NAV1: variants seen among roughly 807,000 people sequenced by gnomAD.
The protein encoded by NAV1 is pore membrane and/or filament interacting like protein 3.
Under a neutral mutation model 175.2 loss-of-function variants are expected in NAV1, and 18 were observed. The ratio of observed to expected loss-of-function variants is 0.10; its 90% CI spans 0.07 to 0.15. The LOEUF (loss-of-function observed/expected upper bound fraction) is 0.15, where lower values mean the gene tolerates loss of function less well. NAV1 is among the 10% of genes least tolerant of loss of function. The probability of loss-of-function intolerance (pLI) is 1.00; values close to 1 mark genes in which losing one functional copy is unlikely to be tolerated. For synonymous variants in NAV1, 897 were observed against 978.7 expected (o/e 0.92, Z 1.56); for missense variants, 1,731 against 2,436.6 (o/e 0.71, Z 6.10).
intron 2 of NAV1, among the ~76,000 whole-genome samples, chr1:201,613,825 G>T (rs1443259215): frequency 6.6e-6 from 1 of 152,142 alleles, no homozygotes; most frequent in East Asian, 1.9e-4. Flanking sequence ...TCACGCCACT[G>T]CACTCCAGCC....
intron 1 of NAV1, among the ~76,000 whole-genome samples, chr1:201,550,860 G>A (rs1444632529): frequency 6.6e-6 from 1 of 152,224 alleles, no homozygotes; most frequent in Admixed American, 6.5e-5. Context: ...CCACTCTGGA[G>A]CAGTCACCTG....
intron 1 of NAV1, among the ~76,000 whole-genome samples, chr1:201,629,181 TCCTCTGGGGCTCCCTG>T (rs1333571327): frequency 6.6e-6 from 1 of 152,182 alleles, no homozygotes; most frequent in African/African-American, 2.4e-5. Flanking sequence ...CATCCCAGTA[TCCTCTGGGGCTCCCTG>T]CCTGGCGCAG....
chr1:201,671,206 C>A (rs1182685054), intron 1 of NAV1, among the ~76,000 whole-genome samples: 2 of 152,158 alleles, frequency 1.3e-5, no homozygotes, highest in African/African-American at 4.8e-5. Flanking sequence ...GTGGTCCCTG[C>A]CTTCCGCGAG....
rs879284601 is a variant in NAV1 at position 201,642,357 on chromosome 1, C to T, written c.5-6277C>T. On this transcript the variant is annotated intron_variant, in intron 2 of 29. Transcript: ENST00000367302. Reference sequence around the variant, plus strand: ...CCTCCCAAGTAGCTGGGACTACAGTCGCCCGCCACCACACCCAGCTAATTT... The same window carrying T: ...CCTCCCAAGTAGCTGGGACTACAGTTGCCCGCCACCACACCCAGCTAATTT... Among the ~76,000 whole-genome samples the T allele has an allele frequency of 6.6e-5, 10 of 151,740 alleles. No individual in the cohort carries two copies. The South Asian group carries it at 8.3e-4, about 13-fold the overall frequency.
intron 1 of NAV1, among the ~76,000 whole-genome samples, chr1:201,628,691 G>T (rs184071653): frequency 6.6e-6 from 1 of 152,276 alleles, no homozygotes; most frequent in Admixed American, 6.5e-5. Context: ...CCAGCTCCCA[G>T]AGCCTAGGGT....
intron 3 of NAV1, among the ~76,000 whole-genome samples, chr1:201,772,264 G>C (rs1360204378): frequency 6.6e-6 from 1 of 152,214 alleles, no homozygotes; most frequent in Non-Finnish European, 1.5e-5. Context: ...CTTGGCATTT[G>C]ATCTGGAAAT....
rs542255163 is a variant in NAV1 at position 201,764,355 on chromosome 1, G to C, written c.1227-16066G>C. Reference sequence around the variant, plus strand: ...AGTGCAAAATCAAGGTGCCATCTGGGTTGGTTTCTGATGAGGCCTCTCTTC... The same window carrying C: ...AGTGCAAAATCAAGGTGCCATCTGGCTTGGTTTCTGATGAGGCCTCTCTTC... On this transcript the variant is annotated intron_variant, in intron 3 of 29. Coordinates refer to ENST00000367296, the Ensembl canonical transcript of NAV1. 5.9e-4 allele frequency among the ~76,000 whole-genome samples: 90 copies of C among 152,324 alleles called. 1 individual carries two copies. Among genetic ancestry groups the C allele is most frequent in the African/African-American group, 2.1e-3 (88 of 41,572 alleles).
intron 1 of NAV1, among the ~76,000 whole-genome samples, chr1:201,627,629 G>A (rs1004511653): frequency 6.6e-6 from 1 of 150,838 alleles, no homozygotes; most frequent in African/African-American, 2.4e-5. Flanking sequence ...TGGCCCAGAC[G>A]CTGTGCTTAG....
chr1:201,546,984 A>G (rs1244003933), intron 1 of NAV1, among the ~76,000 whole-genome samples: 1 of 147,512 alleles, frequency 6.8e-6, no homozygotes, highest in South Asian at 2.3e-4. Flanking sequence ...TCCAAAGAAC[A>G]AGGACATTTT....
chr1:201,645,343 T>C (rs1297906043), upstream of NAV1, among the ~76,000 whole-genome samples: 2 of 135,114 alleles, frequency 1.5e-5, no homozygotes, highest in Admixed American at 8.7e-5. Context: ...CAGGTGGGAA[T>C]TGAACAATGA....
At chr1:201,642,517 C>CTTTTTCTTTCTTTCTTTCTT (rs369968148) in intron 2 of NAV1, among the ~76,000 whole-genome samples, 4 of 118,416 alleles carry the variant, frequency 3.4e-5, no homozygotes, top group African/African-American at 1.5e-4. Context: ...CGGCCTCTTT[C>CTTTTTCTTTCTTTCTTTCTT]TTTCTTTTTT....
intron 1 of NAV1, among the ~76,000 whole-genome samples, chr1:201,696,477 G>A (rs948615095): frequency 6.6e-6 from 1 of 152,182 alleles, no homozygotes; most frequent in African/African-American, 2.4e-5. Flanking sequence ...AGGAAGCATT[G>A]GACAGGAGCA....
At chr1:201,686,871 CAGG>C (rs1288324829) in intron 1 of NAV1, among the ~76,000 whole-genome samples, 3 of 152,350 alleles carry the variant, frequency 2.0e-5, no homozygotes, top group Admixed American at 2.0e-4. Flanking sequence ...GGACAGATGA[CAGG>C]AGGAGGCTCA....
chr1:201,692,317 T>C (rs1406676779), intron 1 of NAV1, among the ~76,000 whole-genome samples: 1 of 152,116 alleles, frequency 6.6e-6, no homozygotes, highest in Non-Finnish European at 1.5e-5. Flanking sequence ...TTTGGGACCT[T>C]TTTAGGAAAA....
intron 1 of NAV1, among the ~76,000 whole-genome samples, chr1:201,571,071 T>C (rs1666528805): frequency 6.6e-6 from 1 of 152,228 alleles, no homozygotes; most frequent in Non-Finnish European, 1.5e-5. Flanking sequence ...CCCCGCCAGG[T>C]CTGGTGGCCA....
intron 3 of NAV1, among the ~76,000 whole-genome samples, chr1:201,762,825 G>A (rs1558137475): frequency 1.3e-5 from 2 of 152,350 alleles, no homozygotes; most frequent in East Asian, 3.9e-4. Context: ...TAGGGATTTT[G>A]GAATTGTGCA....
At chr1:201,679,906 C>T (rs1670398164) in intron 1 of NAV1, among the ~76,000 whole-genome samples, 1 of 152,178 alleles carries the variant, frequency 6.6e-6, no homozygotes, top group African/African-American at 2.4e-5. Flanking sequence ...TGTCTGCTCT[C>T]CCCCATTTAT....
intron 1 of NAV1, among the ~76,000 whole-genome samples, chr1:201,559,278 T>C (rs941492725): frequency 1.1e-4 from 16 of 152,124 alleles, no homozygotes; most frequent in Admixed American, 7.9e-4. Context: ...GGCCTGGCTA[T>C]GAAATAGATG....
At chr1:201,793,533 A>T in intron 13 of NAV1, 2 of 448,832 alleles carry the variant, frequency 4.5e-6, no homozygotes, top group South Asian at 2.3e-5. Context: ...TTTAGATCTC[A>T]AGTCTCCAGG....
Sources: allele counts gnomAD v4.1 joint callset (sites outside exome capture counted in the v4.1 genomes callset), GRCh38; gene constraint gnomAD v4.1.1; transcripts MANE v1.5; gene names NCBI Gene and HGNC (gene_info 2026-07-23, HGNC 2026-07-21).